AKR1B15: variants seen among roughly 807,000 people sequenced by gnomAD.
AKR1B15 encodes the protein estradiol 17-beta-dehydrogenase AKR1B15.
Under a neutral mutation model 38.5 loss-of-function variants are expected in AKR1B15, and 49 were observed. The observed-to-expected ratio is 1.27, with a 90% CI of 1.01 to 1.62. The LOEUF is 1.62. Among genes scored for constraint, AKR1B15 ranks in the 40% most tolerant of loss-of-function variants. AKR1B15 has a pLI of 0.00. For synonymous variants in AKR1B15, 137 were observed against 135.5 expected, an observed-to-expected ratio of 1.01 and a Z score of -0.08; for missense variants, 411 against 381.6, an observed-to-expected ratio of 1.08 and a Z score of -0.64.
At chr7:134,578,854 A>C (rs1005136918) in intron 11 of AKR1B15, among the ~76,000 whole-genome samples, 1 of 152,170 alleles carries the variant, frequency 6.6e-6, no homozygotes, top group African/African-American at 2.4e-5. Flanking sequence ...TTAGAGTAAA[A>C]AGGAAGGGTG....
intron 2 of AKR1B15, among the ~76,000 whole-genome samples, chr7:134,561,141 C>T (rs1342577413): frequency 6.6e-6 from 1 of 152,184 alleles, no homozygotes; most frequent in Non-Finnish European, 1.5e-5. Flanking sequence ...ATCCAGTATA[C>T]ACTGGGAAAA....
chr7:134,578,047 T>C (rs1198601187), intron 11 of AKR1B15, among the ~76,000 whole-genome samples: 1 of 152,180 alleles, frequency 6.6e-6, no homozygotes, highest in South Asian at 2.1e-4. Flanking sequence ...GGCAGAACAT[T>C]CATTTATTCA....
chr7:134,570,450 C>T (rs1037689349), intron 5 of AKR1B15: 1 of 152,118 alleles, frequency 6.6e-6, no homozygotes, highest in Non-Finnish European at 1.5e-5. Flanking sequence ...TTGAAAATCA[C>T]TAATAAAAAC....
At chr7:134,562,490 AGCGCTGATTGGT>A (rs1794425235) in intron 2 of AKR1B15, among the ~76,000 whole-genome samples, 1 of 151,858 alleles carries the variant, frequency 6.6e-6, no homozygotes, top group Non-Finnish European at 1.5e-5. Flanking sequence ...CATTTTACAG[AGCGCTGATTGGT>A]CCATTATACG....
chr7:134,565,530 G>T (rs1177229450), intron 3 of AKR1B15: 1 of 1,613,884 alleles, frequency 6.2e-7, no homozygotes, highest in East Asian at 2.2e-5. Context: ...CCCATTGTGG[G>T]CCTGGGCACT....
chr7:134,571,474 T>G (rs528960207), intron 5 of AKR1B15, 130 bp from the exon 6 acceptor site: 2 of 725,388 alleles, frequency 2.8e-6, no homozygotes, highest in East Asian at 2.5e-5. Context: ...TCTTGTAGTA[T>G]GTACTCCAGA....
chr7:134,567,406 A>C (rs902979119), intron 3 of AKR1B15, among the ~76,000 whole-genome samples: 15 of 151,920 alleles, frequency 9.9e-5, no homozygotes, highest in Non-Finnish European at 1.9e-4. Flanking sequence ...CTCTATTCCT[A>C]TAAGCTTCTC....
intron 4 of AKR1B15, 145 bp downstream of exon 4, chr7:134,568,470 A>T: frequency 1.6e-6 from 2 of 1,263,488 alleles, no homozygotes; most frequent in East Asian, 4.8e-5. Flanking sequence ...ATACAATACT[A>T]TCCATACTCC....
chr7:134,568,097 G>T, intron 3 of AKR1B15, 61 bp from the exon 4 acceptor site: 1 of 1,590,870 alleles, frequency 6.3e-7, no homozygotes, highest in South Asian at 1.1e-5. Flanking sequence ...GGGCAACATG[G>T]CAAGGTCTCA....
chr7:134,560,110 A>G (rs940304025), intron 2 of AKR1B15, among the ~76,000 whole-genome samples: 1 of 50,110 alleles, frequency 2.0e-5, no homozygotes, highest in African/African-American at 8.1e-5. Context: ...TCCACCTAAG[A>G]AAAAAAAAAA....
chr7:134,552,132 A>T (rs975285685), intron 1 of AKR1B15, among the ~76,000 whole-genome samples: 2 of 152,210 alleles, frequency 1.3e-5, no homozygotes, highest in Non-Finnish European at 2.9e-5. Flanking sequence ...AGAAAAGAGT[A>T]ACCCACTTGT....
chr7:134,575,335 A>G, intron 6 of AKR1B15, 85 bp from the exon 7 acceptor site: 10 of 1,539,790 alleles, frequency 6.5e-6, no homozygotes, highest in Non-Finnish European at 8.7e-6. Flanking sequence ...TCCTTTAGCA[A>G]TTTCTGCCCC....
At chr7:134,550,163 C>T (rs1324216249) in intron 1 of AKR1B15, among the ~76,000 whole-genome samples, 1 of 152,160 alleles carries the variant, frequency 6.6e-6, no homozygotes, top group African/African-American at 2.4e-5. Flanking sequence ...CATAACTTTT[C>T]CCATGCCCTT....
At position 134,571,635 on chromosome 7, in the gene AKR1B15, A is replaced by G. The variant is rs771470002; in HGVS notation, c.467A>G (p.Lys156Arg). The G allele has an allele frequency of 3.7e-6, 6 of 1,613,770 alleles. No homozygotes were observed. The highest frequency in any genetic ancestry group is 4.2e-6 in the Non-Finnish European group (5 of 1,179,874). ...TGDDFFPKDDKGNMISGKGTF... is the reference protein window; with the variant it reads ...TGDDFFPKDDRGNMISGKGTF... ...GATGACTTTTTCCCCAAAGATGATA[A>G]AGGTAATATGATCAGTGGAAAAGGA... Residue 156 changes from lysine (K) to arginine (R), a missense_variant, in exon 6 of 12, where the codon AAA becomes AGA. Lys to Arg is a conservative substitution (Grantham distance 26). This residue lies in a region of AKR1B15 where 254 missense variants were observed against 212.4 expected (regional missense o/e 1.20). Transcript: ENST00000457545.
Position 134,577,718 on chromosome 7 carries a change from A to G in AKR1B15, c.924A>G (p.Lys308=), listed in dbSNP as rs751524615. Reference sequence around the variant, plus strand: ...TTCCTTTCTAGGTCTTTGACTTTAAATTGAGTGATGAGGAGATGGCAACCA... The same window carrying G: ...TTCCTTTCTAGGTCTTTGACTTTAAGTTGAGTGATGAGGAGATGGCAACCA... The part of the protein sequence containing the change: ...IVENIQVFDF[K]LSDEEMATIL... Residue 308 remains lysine (K), a synonymous_variant, in exon 11 of 12, where the codon AAA becomes AAG. Coordinates refer to ENST00000457545, the MANE Select transcript of AKR1B15 (RefSeq NM_001080538.3). 2.1e-5 allele frequency: 34 copies of G among 1,613,816 alleles called. No homozygotes were observed. The highest frequency in any genetic ancestry group is 1.6e-5 in the Non-Finnish European group (19 of 1,179,946).
chr7:134,552,443 C>G (rs1202535184), intron 1 of AKR1B15, among the ~76,000 whole-genome samples: 2 of 152,146 alleles, frequency 1.3e-5, no homozygotes, highest in Non-Finnish European at 2.9e-5. Flanking sequence ...TGGCCACCAC[C>G]CTGCCGGTCC....
At chr7:134,549,528 C>T (rs1793892652) in intron 1 of AKR1B15, among the ~76,000 whole-genome samples, 1 of 152,044 alleles carries the variant, frequency 6.6e-6, no homozygotes, top group Non-Finnish European at 1.5e-5. Flanking sequence ...CTTGAATTTC[C>T]AGTTTGTAGC....
At chr7:134,550,744 A>G (rs1793939034) in intron 1 of AKR1B15, among the ~76,000 whole-genome samples, 1 of 152,160 alleles carries the variant, frequency 6.6e-6, no homozygotes. Flanking sequence ...TAAAGATTGG[A>G]GTCCTCTCCA....
chr7:134,565,410 A>G, intron 3 of AKR1B15: 1 of 1,609,124 alleles, frequency 6.2e-7, no homozygotes, highest in Non-Finnish European at 8.5e-7. Flanking sequence ...ACCCTCTGGA[A>G]GGAACCAACT....
Sources: gnomAD v4.1 joint callset for allele counts (sites outside exome capture counted in the v4.1 genomes callset) on GRCh38, gnomAD v4.1.1 for gene constraint, gnomAD v4.1.1 regional missense constraint, MANE v1.5 for transcripts, NCBI Gene and HGNC (gene_info 2026-07-23, HGNC 2026-07-21) for gene names.